The following PACC1 variants were observed in gnomAD, a reference collection of about 807,000 sequenced individuals.
PACC1 encodes the protein proton-activated chloride channel.
A neutral mutation model predicts 39.7 loss-of-function variants in PACC1; 34 were observed. The ratio of observed to expected loss-of-function variants is 0.86; its 90% CI spans 0.65 to 1.14. The LOEUF is 1.14. Ranked by LOEUF, PACC1 falls within the 50% of genes most tolerant of loss-of-function variation. PACC1 has a pLI of 0.00. For synonymous variants in PACC1, 127 were observed against 160.6 expected, an observed-to-expected ratio of 0.79 and a Z score of 1.58; for missense variants, 379 against 436.4, an observed-to-expected ratio of 0.87 and a Z score of 1.17.
intron 2 of PACC1, among the ~76,000 whole-genome samples, chr1:212,391,277 G>C (rs977559023): frequency 6.6e-6 from 1 of 152,180 alleles, no homozygotes; most frequent in Non-Finnish European, 1.5e-5. Flanking sequence ...AACATTGGCT[G>C]TTCATCAATA....
Position 212,414,702 on chromosome 1 carries a change from C to T in PACC1, c.36+20G>A, listed in dbSNP as rs1157563624. ...GCTCCTCCGCCTCAAACTTCCCTTC[C>T]GTCTCTCACAACCTCGTACCTCCTG... On this transcript the variant is annotated intron_variant, in intron 1 of 7. Coordinates refer to ENST00000261455, the MANE Select transcript of PACC1 (RefSeq NM_018252.3). 1.9e-6 allele frequency: 3 copies of T among 1,613,222 alleles called. No homozygotes were observed. The highest frequency in any genetic ancestry group is 2.5e-6 in the Non-Finnish European group (3 of 1,179,410).
chr1:212,365,254 G>T lies in PACC1; in HGVS notation c.1014C>A (p.Tyr338Ter). Residue 338 changes from tyrosine (Y) to a stop codon, truncating the protein, a stop_gained, in exon 8 of 8, where the codon TAC becomes TAA. Coordinates refer to ENST00000261455, the MANE Select transcript of PACC1 (RefSeq NM_018252.3). LOFTEE classifies it high-confidence loss of function. ...IKWMIKIRKR[Y>*]LKRRGQATSH... ...TCGTTGCCTGACCTCTTCTTTTAAG[G>T]TATCTCTTTCTAATTTTGATCATCC... The T allele has an allele frequency of 1.2e-6, 2 of 1,613,664 alleles. No individual in the cohort carries two copies. The highest frequency in any genetic ancestry group is 1.7e-4 in the Middle Eastern group (1 of 6,058).
At chr1:212,396,622 A>G (rs564993336) in intron 2 of PACC1, among the ~76,000 whole-genome samples, 3 of 149,972 alleles carry the variant, frequency 2.0e-5, no homozygotes, top group African/African-American at 7.3e-5. Flanking sequence ...AAGAAATCTG[A>G]AAAAAAAATG....
intron 2 of PACC1, among the ~76,000 whole-genome samples, chr1:212,400,349 G>C (rs907581747): frequency 3.9e-5 from 6 of 152,128 alleles, no homozygotes; most frequent in African/African-American, 1.4e-4. Context: ...TCTAAAAATA[G>C]GCATAAAACA....
chr1:212,374,753 A>T (rs749442214), intron 7 of PACC1, among the ~76,000 whole-genome samples: 2 of 152,206 alleles, frequency 1.3e-5, no homozygotes, highest in Non-Finnish European at 2.9e-5. Flanking sequence ...TCTTACTACA[A>T]GTAGTATTTA....
In PACC1 at chr1:212,382,186, G is replaced by A. The variant is rs374368264; in HGVS notation, c.496-2149C>T. The stretch of plus-strand genomic sequence containing the variant: ...CCCAAGTAGCTGGGACTACAGGCAC[G>A]TGCCACTACACACGCCTGATTTTTT... On this transcript the variant is annotated intron_variant, in intron 4 of 7. Transcript: ENST00000261455. Among the ~76,000 whole-genome samples, 34 of 152,176 alleles carry A rather than the reference G, an allele frequency of 2.2e-4. No individual in the cohort carries two copies. In the East Asian group the frequency reaches 3.5e-3, roughly 16 times the overall value.
Position 212,410,469 on chromosome 1 carries a change from T to C in PACC1, c.89A>G (p.Gln30Arg), listed in dbSNP as rs141225063. 9.9e-6 allele frequency: 16 copies of C among 1,614,220 alleles called. No homozygotes were observed. Among genetic ancestry groups the C allele is most frequent in the Middle Eastern group, 1.6e-4 (1 of 6,062 alleles). Reference sequence around the variant, plus strand: ...TTGGACTCTGACCGTCTCCTTGTCCTGCTCGTCTGCCAGCTCTGAGTTCTC... The same window carrying C: ...TTGGACTCTGACCGTCTCCTTGTCCCGCTCGTCTGCCAGCTCTGAGTTCTC... ...VVENSELADE[Q>R]DKETVRVQGP... The change falls in exon 2 of 8, where the codon CAG becomes CGG. Residue 30 changes from glutamine (Q) to arginine (R), a missense_variant. By Grantham distance (43) the Gln-to-Arg change is conservative. Transcript: ENST00000261455.
intron 4 of PACC1, among the ~76,000 whole-genome samples, chr1:212,383,416 G>A (rs1009682923): frequency 3.9e-5 from 6 of 152,178 alleles, no homozygotes; most frequent in Admixed American, 6.5e-5. Context: ...TTTCATTAGC[G>A]TGTTTTACAG....
At chr1:212,383,676 G>A (rs1430176938) in intron 4 of PACC1, among the ~76,000 whole-genome samples, 2 of 152,100 alleles carry the variant, frequency 1.3e-5, no homozygotes, top group African/African-American at 4.8e-5. Flanking sequence ...CTGGGTTTTG[G>A]TTTCTTCCAA....
chr1:212,376,907 T>A (rs1017252260), intron 6 of PACC1: 2 of 152,262 alleles, frequency 1.3e-5, no homozygotes, highest in African/African-American at 4.8e-5. Flanking sequence ...AAGAAAAGAC[T>A]AGCTTTTTTT....
At chr1:212,373,982 C>A (rs147816786) in intron 7 of PACC1, among the ~76,000 whole-genome samples, 1 of 150,376 alleles carries the variant, frequency 6.6e-6, no homozygotes, top group Non-Finnish European at 1.5e-5. Flanking sequence ...AAAACTAGAA[C>A]TACCATATGA....
chr1:212,382,045 T>A (rs1364886395), intron 4 of PACC1, among the ~76,000 whole-genome samples: 1 of 28,170 alleles, frequency 3.5e-5, no homozygotes, highest in Non-Finnish European at 6.7e-5. Flanking sequence ...AGTGTTCTTG[T>A]TTTTTTTTTT....
At chr1:212,389,244 A>C (rs1332066093) in intron 2 of PACC1, among the ~76,000 whole-genome samples, 1 of 152,166 alleles carries the variant, frequency 6.6e-6, no homozygotes, top group Non-Finnish European at 1.5e-5. Flanking sequence ...AAAACCATGA[A>C]AGGGAGGGAG....
Position 212,414,769 on chromosome 1 carries a change from G to A in PACC1, c.-12C>T. The A allele has an allele frequency of 6.2e-7, 1 of 1,612,994 alleles. No individual in the cohort carries two copies. The highest frequency in any genetic ancestry group is 8.5e-7 in the Non-Finnish European group (1 of 1,179,126). Reference sequence around the variant, plus strand: ...TCCTGCCGGATCATGGCACTGACCAGAGCTTCGGCACACCTGAGACCGCCC... The same window carrying A: ...TCCTGCCGGATCATGGCACTGACCAAAGCTTCGGCACACCTGAGACCGCCC... On this transcript the variant is annotated 5_prime_UTR_variant, in exon 1 of 8. Coordinates refer to ENST00000261455, the MANE Select transcript of PACC1 (RefSeq NM_018252.3).
intron 2 of PACC1, among the ~76,000 whole-genome samples, chr1:212,405,581 C>T (rs1661880151): frequency 6.6e-6 from 1 of 152,090 alleles, no homozygotes; most frequent in African/African-American, 2.4e-5. Context: ...TTTGTGGTGT[C>T]AGCACTTGGC....
chr1:212,375,387 G>T, intron 6 of PACC1, 87 bp from the exon 7 acceptor site: 2 of 921,738 alleles, frequency 2.2e-6, no homozygotes, highest in Non-Finnish European at 1.8e-6. Context: ...GAGTAGGCAG[G>T]GGATCATAGT....
intron 7 of PACC1, among the ~76,000 whole-genome samples, chr1:212,369,846 CAGGTTTAACT>C (rs924468556): frequency 2.1e-5 from 3 of 144,404 alleles, no homozygotes; most frequent in Non-Finnish European, 4.6e-5. Flanking sequence ...AATAAAAAAA[CAGGTTTAACT>C]ATACCTGTAA....
At chr1:212,398,986 A>G (rs1229086636) in intron 2 of PACC1, among the ~76,000 whole-genome samples, 1 of 152,206 alleles carries the variant, frequency 6.6e-6, no homozygotes, top group Non-Finnish European at 1.5e-5. Flanking sequence ...ATCTATGCAC[A>G]GGAACCTACC....
intron 2 of PACC1, among the ~76,000 whole-genome samples, chr1:212,388,349 G>A (rs1367337657): frequency 6.6e-6 from 1 of 152,092 alleles, no homozygotes; most frequent in Non-Finnish European, 1.5e-5. Context: ...TGATGCTATT[G>A]GTACAACACA....
Sources: allele counts gnomAD v4.1 joint callset (sites outside exome capture counted in the v4.1 genomes callset), GRCh38; gene constraint gnomAD v4.1.1; transcripts MANE v1.5; gene names NCBI Gene and HGNC (gene_info 2026-07-23, HGNC 2026-07-21).